Variants in PLB1 observed in about 807,000 individuals in gnomAD.
PLB1 encodes the protein phospholipase B1.
Under a neutral mutation model 227.4 loss-of-function variants are expected in PLB1, and 242 were observed. The ratio of observed to expected loss-of-function variants is 1.06; its 90% CI spans 0.96 to 1.18. PLB1 has a LOEUF of 1.18. PLB1 is among the 50% of genes most tolerant of loss of function. The pLI is 0.00. For synonymous variants in PLB1, 757 were observed against 682.2 expected, an observed-to-expected ratio of 1.11 and a Z score of -1.71; for missense variants, 1,858 against 1,816.3, an observed-to-expected ratio of 1.02 and a Z score of -0.42.
chr2:28,514,824 T>G (rs1668656977), intron 1 of PLB1, among the ~76,000 whole-genome samples: 1 of 152,228 alleles, frequency 6.6e-6, no homozygotes, highest in African/African-American at 2.4e-5. Flanking sequence ...GCTAGCAATG[T>G]CATCTTTTTC....
intron 49 of PLB1, among the ~76,000 whole-genome samples, chr2:28,624,146 A>C (rs550739200): frequency 6.6e-6 from 1 of 152,264 alleles, no homozygotes; most frequent in South Asian, 2.1e-4. Flanking sequence ...CACCACAATC[A>C]AGATGAAAAA....
chr2:28,602,801 A>C lies in PLB1; in HGVS notation c.2674-20A>C, dbSNP rs777805076. 6.2e-7 allele frequency: 1 copy of C among 1,609,006 alleles called. No individual in the cohort carries two copies. The stretch of plus-strand genomic sequence containing the variant: ...AAGAAGTGCCTGGAGCCCCCCTCTC[A>C]TCTGCAGCTTTTCCCTTAGGTGCCC... On this transcript the variant is annotated intron_variant, in intron 38 of 57. Coordinates refer to ENST00000327757, the MANE Select transcript of PLB1 (RefSeq NM_153021.5).
chr2:28,521,847 A>C (rs185324735), intron 4 of PLB1, among the ~76,000 whole-genome samples: 2 of 151,976 alleles, frequency 1.3e-5, no homozygotes, highest in Admixed American at 1.3e-4. Flanking sequence ...TGTACCTCCC[A>C]CGCCTGAACC....
chr2:28,589,776 T>C lies in PLB1; in HGVS notation c.2016+6T>C. On this transcript the variant is annotated splice_donor_region_variant and intron_variant, in intron 28 of 57. Coordinates refer to ENST00000327757, the MANE Select transcript of PLB1 (RefSeq NM_153021.5). ...GTGCTCTCTGGAACAATATGGTAAG[T>C]GGCTGCGGTAGGAAAATGCATCCTC... 1.2e-6 allele frequency: 2 copies of C among 1,611,862 alleles called. No homozygotes were observed. The highest frequency in any genetic ancestry group is 1.7e-6 in the Non-Finnish European group (2 of 1,178,348).
intron 56 of PLB1, among the ~76,000 whole-genome samples, chr2:28,634,348 A>G (rs1034277780): frequency 3.9e-5 from 6 of 152,154 alleles, no homozygotes; most frequent in African/African-American, 1.4e-4. Flanking sequence ...TCACTGGCTG[A>G]ATCATGTGAC....
intron 43 of PLB1, among the ~76,000 whole-genome samples, chr2:28,611,446 A>G (rs190920601): frequency 9.7e-4 from 148 of 152,220 alleles, no homozygotes; most frequent in African/African-American, 3.3e-3. Context: ...AATGCCACTG[A>G]GTCTTGTCTC....
At chr2:28,622,325 C>T (rs1054785763) in intron 49 of PLB1, among the ~76,000 whole-genome samples, 1 of 152,180 alleles carries the variant, frequency 6.6e-6, no homozygotes. Context: ...TGCCTAGCAT[C>T]TCTGAGTCTG....
intron 1 of PLB1, among the ~76,000 whole-genome samples, chr2:28,514,182 A>G (rs1668578204): frequency 6.6e-6 from 1 of 152,206 alleles, no homozygotes; most frequent in Non-Finnish European, 1.5e-5. Context: ...TTCCAGCATC[A>G]TTTGTTGAAA....
Position 28,585,535 on chromosome 2 carries a change from C to T in PLB1, c.1734-226C>T, listed in dbSNP as rs1573185940. On this transcript the variant is annotated intron_variant, in intron 25 of 57. Coordinates refer to ENST00000327757, the MANE Select transcript of PLB1 (RefSeq NM_153021.5). ...CAAGTGATCCACCCACCTCGGCCCACCAAAGTGCTGGCATTACAGGCGTGA... is the reference window on the plus strand; with the variant it reads ...CAAGTGATCCACCCACCTCGGCCCATCAAAGTGCTGGCATTACAGGCGTGA... 18 of 463,644 alleles carry T rather than the reference C, an allele frequency of 3.9e-5. No individual in the cohort carries two copies. The East Asian group carries it at 7.4e-4, about 19-fold the overall frequency. 28.7% of individuals were successfully genotyped at this position (463,644 alleles called of 1,614,324 possible). A position where few individuals can be genotyped will look rare whatever the true frequency, so the allele number is the denominator to read the frequency against.
intron 21 of PLB1, 142 bp from the exon 22 acceptor site, chr2:28,577,965 T>G (rs778724424): frequency 1.3e-6 from 1 of 790,102 alleles, no homozygotes; most frequent in Non-Finnish European, 2.2e-6. Flanking sequence ...GAAGAAGCTC[T>G]GCGACACGGC....
chr2:28,633,092 G>A (rs1248037631), intron 56 of PLB1, 53 bp downstream of exon 56: 1 of 1,488,016 alleles, frequency 6.7e-7, no homozygotes, highest in East Asian at 2.3e-5. Context: ...TAAGGATATT[G>A]ACACTCTGTC....
chr2:28,514,931 C>T (rs1239301346), intron 1 of PLB1, among the ~76,000 whole-genome samples: 1 of 152,122 alleles, frequency 6.6e-6, no homozygotes, highest in Non-Finnish European at 1.5e-5. Flanking sequence ...CATTCCATTT[C>T]CACTTCCCAA....
rs1179773998 is a variant in PLB1 at position 28,598,002 on chromosome 2, C to T, written c.2322-3C>T. 2 of 1,612,724 alleles carry T rather than the reference C, an allele frequency of 1.2e-6. No homozygotes were observed. The highest frequency in any genetic ancestry group is 1.7e-5 in the Admixed American group (1 of 60,020). On this transcript the variant is annotated splice_region_variant and splice_polypyrimidine_tract_variant and intron_variant, in intron 33 of 57. Transcript: ENST00000327757. The stretch of plus-strand genomic sequence containing the variant: ...CATTCACTGGCTTGCTCACTCCCTA[C>T]AGTGCAGGAGGGGACGGCTCCCTGG...
intron 20 of PLB1, among the ~76,000 whole-genome samples, chr2:28,568,773 C>T (rs933178446): frequency 3.0e-4 from 46 of 152,150 alleles, no homozygotes; most frequent in African/African-American, 1.1e-3. Flanking sequence ...TGAAAAGGAG[C>T]GTCAAGAATT....
intron 9 of PLB1, among the ~76,000 whole-genome samples, chr2:28,536,971 A>G (rs1671770646): frequency 6.6e-6 from 1 of 152,158 alleles, no homozygotes; most frequent in Non-Finnish European, 1.5e-5. Context: ...GACGGTGGGT[A>G]TGGTTCAGAT....
intron 50 of PLB1, among the ~76,000 whole-genome samples, 196 bp from the exon 51 acceptor site, chr2:28,626,232 G>A (rs1367425242): frequency 1.3e-5 from 2 of 152,106 alleles, no homozygotes; most frequent in African/African-American, 2.4e-5. Flanking sequence ...CTGACCTCAG[G>A]TGATCCACCT....
chr2:28,599,524 G>C (rs1235382784), intron 35 of PLB1, among the ~76,000 whole-genome samples: 1 of 152,152 alleles, frequency 6.6e-6, no homozygotes, highest in Non-Finnish European at 1.5e-5. Flanking sequence ...AGATCACCTT[G>C]CTATGGATCC....
chr2:28,604,784 G>A, intron 41 of PLB1, 25 bp downstream of exon 41: 1 of 1,598,726 alleles, frequency 6.3e-7, no homozygotes, highest in South Asian at 1.1e-5. Flanking sequence ...CTCACCCATG[G>A]TACTCTTTTA....
At chr2:28,614,164 G>A in intron 44 of PLB1, 68 bp downstream of exon 44, 2 of 1,419,470 alleles carry the variant, frequency 1.4e-6, no homozygotes, top group Non-Finnish European at 2.0e-6. Context: ...GCTCGGGTGT[G>A]GTACAGGTTT....
Sources: allele counts gnomAD v4.1 joint callset (sites outside exome capture counted in the v4.1 genomes callset), GRCh38; gene constraint gnomAD v4.1.1; transcripts MANE v1.5; gene names NCBI Gene and HGNC (gene_info 2026-07-23, HGNC 2026-07-21).